SNX24: variants seen among roughly 807,000 people sequenced by gnomAD.
SNX24 encodes sorting nexin-24.
A neutral mutation model predicts 28.7 loss-of-function variants in SNX24; 22 were observed. That is an observed-to-expected ratio of 0.77 (90% CI 0.55 to 1.10). The LOEUF is 1.10. Ranked by LOEUF, SNX24 falls within the 50% of genes least tolerant of loss-of-function variation. SNX24 has a pLI of 0.00. For synonymous variants in SNX24, 69 were observed against 71.5 expected (o/e 0.96, Z 0.18); for missense variants, 221 against 201.1 (o/e 1.10, Z -0.60).
chr5:122,968,833 T>C (rs946073712), intron 3 of SNX24, among the ~76,000 whole-genome samples: 1 of 152,126 alleles, frequency 6.6e-6, no homozygotes, highest in African/African-American at 2.4e-5. Context: ...AAAATTTGTT[T>C]ATTACTTCAT....
At chr5:122,961,208 C>A (rs888381691) in intron 3 of SNX24, among the ~76,000 whole-genome samples, 2 of 152,194 alleles carry the variant, frequency 1.3e-5, no homozygotes, top group African/African-American at 4.8e-5. Context: ...AAGCCCCATG[C>A]TGTCTATCCT....
chr5:123,023,879 CAATCAGCGATCTCAACCACAAAA>C, intron 5 of SNX24: 1 of 1,612,434 alleles, frequency 6.2e-7, no homozygotes, highest in Non-Finnish European at 8.5e-7. Flanking sequence ...GTTGTGTCAC[CAATCAGCGATCTCAACCACAAAA>C]GGCGTTTTCA....
chr5:122,892,803 CTG>C (rs915645423), intron 1 of SNX24, among the ~76,000 whole-genome samples: 2 of 151,868 alleles, frequency 1.3e-5, no homozygotes, highest in African/African-American at 4.8e-5. Context: ...GAGTCTCACT[CTG>C]TCACCCAGGC....
intron 1 of SNX24, among the ~76,000 whole-genome samples, chr5:122,899,827 T>C (rs953915326): frequency 4.6e-5 from 7 of 152,208 alleles, no homozygotes; most frequent in African/African-American, 1.2e-4. Flanking sequence ...GTGTATGCTC[T>C]TGTGGGGATA....
chr5:123,020,075 T>C (rs1360328034), intron 5 of SNX24, among the ~76,000 whole-genome samples: 1 of 152,158 alleles, frequency 6.6e-6, no homozygotes, highest in Non-Finnish European at 1.5e-5. Flanking sequence ...CTCACAGTAG[T>C]GAAAAAACTA....
intron 1 of SNX24, 37 bp from the exon 2 acceptor site, chr5:122,936,697 G>T: frequency 8.3e-7 from 1 of 1,210,746 alleles, no homozygotes; most frequent in South Asian, 1.3e-5. Flanking sequence ...TGAGGGTTTT[G>T]AACTAATATA....
intron 4 of SNX24, 73 bp downstream of exon 4, chr5:123,000,079 C>A: frequency 9.6e-7 from 1 of 1,039,280 alleles, no homozygotes; most frequent in Non-Finnish European, 1.5e-6. Context: ...TAACAAATAG[C>A]CCAGAGTGAT....
downstream of SNX24, among the ~76,000 whole-genome samples, chr5:123,011,028 G>C (rs538027261): frequency 6.6e-6 from 1 of 152,232 alleles, no homozygotes; most frequent in Admixed American, 6.5e-5. Flanking sequence ...TTGCTCTACA[G>C]GTTGTGCATT....
chr5:122,964,247 C>CAAAAAA (rs34174497), intron 3 of SNX24, among the ~76,000 whole-genome samples: 52 of 36,482 alleles, frequency 1.4e-3, no homozygotes, highest in Non-Finnish European at 1.6e-3. Context: ...GACTCCATCT[C>CAAAAAA]AAAAAAAAAA....
At chr5:122,992,055 G>A (rs1355676490) in intron 3 of SNX24, among the ~76,000 whole-genome samples, 1 of 152,168 alleles carries the variant, frequency 6.6e-6, no homozygotes, top group Non-Finnish European at 1.5e-5. Context: ...TATGCATGCA[G>A]TAAATGTCAG....
intron 4 of SNX24, 36 bp from the exon 5 acceptor site, chr5:123,001,369 G>A (rs1288947031): frequency 6.9e-7 from 1 of 1,450,916 alleles, no homozygotes; most frequent in Admixed American, 1.7e-5. Context: ...CAACATATGT[G>A]GTTTTTTTGT....
intron 1 of SNX24, among the ~76,000 whole-genome samples, chr5:122,854,846 TAATG>T (rs1018933245): frequency 6.6e-6 from 1 of 152,234 alleles, no homozygotes; most frequent in Non-Finnish European, 1.5e-5. Flanking sequence ...TTTGGTTTAA[TAATG>T]CATATAAATG....
chr5:122,926,048 T>C (rs1157112242), intron 1 of SNX24, among the ~76,000 whole-genome samples: 1 of 130,040 alleles, frequency 7.7e-6, no homozygotes, highest in South Asian at 2.2e-4. Flanking sequence ...CACCAGACCA[T>C]GGTAAATGCA....
intron 3 of SNX24, among the ~76,000 whole-genome samples, chr5:122,979,655 A>T (rs1761313624): frequency 6.6e-6 from 1 of 152,240 alleles, no homozygotes; most frequent in Non-Finnish European, 1.5e-5. Flanking sequence ...ATACAGTAAT[A>T]ATCAGAGAAT....
At chr5:122,943,584 A>T (rs980718289) in intron 2 of SNX24, among the ~76,000 whole-genome samples, 6 of 152,172 alleles carry the variant, frequency 3.9e-5, no homozygotes, top group African/African-American at 1.4e-4. Context: ...GCAGTTGCAG[A>T]ACTGAGGTCC....
chr5:122,873,087 C>G (rs1239841341), intron 1 of SNX24, among the ~76,000 whole-genome samples: 1 of 152,138 alleles, frequency 6.6e-6, no homozygotes, highest in African/African-American at 2.4e-5. Flanking sequence ...CTGCCTCAGT[C>G]TCCTGAGCAG....
chr5:123,013,670 A>T (rs1762632407), downstream of SNX24, among the ~76,000 whole-genome samples: 1 of 152,174 alleles, frequency 6.6e-6, no homozygotes, highest in Admixed American at 6.5e-5. Context: ...TGTGGTTGTA[A>T]ATCTGGCCTA....
At chr5:122,896,680 T>C (rs1581718716) in intron 1 of SNX24, among the ~76,000 whole-genome samples, 1 of 152,166 alleles carries the variant, frequency 6.6e-6, no homozygotes, top group African/African-American at 2.4e-5. Context: ...ATATGTACTG[T>C]CGGGAAAAAA....
intron 3 of SNX24, among the ~76,000 whole-genome samples, chr5:122,981,882 G>A (rs965694204): frequency 1.3e-5 from 2 of 152,182 alleles, no homozygotes; most frequent in African/African-American, 4.8e-5. Context: ...TCCATTTCAG[G>A]TTTGGAAGGT....
Sources: allele counts gnomAD v4.1 joint callset (sites outside exome capture counted in the v4.1 genomes callset), GRCh38; gene constraint gnomAD v4.1.1; transcripts MANE v1.5; gene names NCBI Gene and HGNC (gene_info 2026-07-23, HGNC 2026-07-21).